KANK4: variants seen among roughly 807,000 people sequenced by gnomAD.
The protein encoded by KANK4 is KN motif and ankyrin repeat domain-containing protein 4.
KANK4 carries 50 observed loss-of-function variants against 80.8 expected under a neutral mutation model. The observed-to-expected ratio is 0.62, with a 90% confidence interval of 0.49 to 0.78. The LOEUF (loss-of-function observed/expected upper bound fraction) is 0.78, where lower values mean the gene tolerates loss of function less well. Ranked by LOEUF, KANK4 falls within the 30% of genes least tolerant of loss-of-function variation. The pLI is 0.00. For missense variants in KANK4, 1,196 were observed against 1,240.1 expected (o/e 0.96, Z 0.53); for synonymous variants, 465 against 506.9 (o/e 0.92, Z 1.11).
chr1:62,279,063 T>C (rs1672388074), intron 2 of KANK4, among the ~76,000 whole-genome samples: 1 of 152,160 alleles, frequency 6.6e-6, no homozygotes, highest in African/African-American at 2.4e-5. Context: ...AATACAATCA[T>C]AGCATAAAAT....
chr1:62,302,020 G>A (rs1456261041), intron 1 of KANK4, among the ~76,000 whole-genome samples: 1 of 152,060 alleles, frequency 6.6e-6, no homozygotes, highest in Non-Finnish European at 1.5e-5. Context: ...CCAGGATGGG[G>A]TACAGCTCAG....
intron 9 of KANK4, among the ~76,000 whole-genome samples, chr1:62,239,329 T>C (rs1296959790): frequency 6.6e-6 from 1 of 152,214 alleles, no homozygotes; most frequent in Non-Finnish European, 1.5e-5. Flanking sequence ...TACATAGCCA[T>C]TATAATGCAT....
At chr1:62,318,897 T>C (rs1015988983) in intron 1 of KANK4, among the ~76,000 whole-genome samples, 4 of 152,138 alleles carry the variant, frequency 2.6e-5, no homozygotes. Context: ...GACCCCAGGC[T>C]GGGAGGCGGG....
At chr1:62,286,079 AT>A (rs11348495) in intron 1 of KANK4, among the ~76,000 whole-genome samples, 11,864 of 152,250 alleles carry the variant, frequency 0.078, 1,259 homozygotes, top group African/African-American at 0.24. Flanking sequence ...ACACAATCTC[AT>A]TAACTCCATT....
chr1:62,247,463 A>G lies in KANK4; in HGVS notation c.2883+9T>C. 1 of 1,613,466 alleles carries G rather than the reference A, an allele frequency of 6.2e-7. No homozygotes were observed. Among genetic ancestry groups the G allele is most frequent in the Non-Finnish European group, 8.5e-7 (1 of 1,179,818 alleles). ...CAACAGCTACTTGTTAATTGCCTGT[A>G]AGTCTCACCTTGTCAGTCAGGCTGC... On this transcript the variant is annotated intron_variant, in intron 9 of 9. Transcript: ENST00000371153.
intron 7 of KANK4, among the ~76,000 whole-genome samples, chr1:62,256,255 T>C (rs1038490288): frequency 5.3e-5 from 8 of 152,210 alleles, no homozygotes; most frequent in African/African-American, 1.9e-4. Flanking sequence ...AATGATATTC[T>C]CATAAGGTTT....
rs754607678 is a variant in KANK4 at position 62,287,668 on chromosome 1, CAG to C, written c.-70-6036_-70-6035del. 5.9e-5 allele frequency among the ~76,000 whole-genome samples: 9 copies of C among 152,276 alleles called. No homozygotes were observed. The East Asian group carries it at 1.7e-3, about 29-fold the overall frequency. ...TGGTTTCTCTTGGGTCATCCAAGAG[CAG>C]AGTGTCCTGGGGTAAAGTTCTCTGT... On this transcript the variant is annotated intron_variant, in intron 1 of 9. Transcript: ENST00000371153.
intron 3 of KANK4, 37 bp downstream of exon 3, chr1:62,273,167 G>T: frequency 7.4e-7 from 1 of 1,354,522 alleles, no homozygotes; most frequent in Non-Finnish European, 9.9e-7. Flanking sequence ...AGGAGAAATG[G>T]CTCCCTGTCT....
chr1:62,263,039 T>C, intron 7 of KANK4, 53 bp downstream of exon 7: 1 of 1,366,842 alleles, frequency 7.3e-7, no homozygotes, highest in Non-Finnish European at 1.0e-6. Flanking sequence ...TTTTAAAAAT[T>C]GCCCTGCTCT....
chr1:62,255,760 C>T (rs1570975135), intron 7 of KANK4, among the ~76,000 whole-genome samples: 2 of 152,194 alleles, frequency 1.3e-5, no homozygotes, highest in Admixed American at 1.3e-4. Context: ...GTGATCCTCC[C>T]ACCTCAGCCT....
Position 62,237,576 on chromosome 1 carries a change from T to C in KANK4, c.*701A>G, listed in dbSNP as rs889141099. On this transcript the variant is annotated 3_prime_UTR_variant, in exon 10 of 10. Transcript: ENST00000371153. Reference sequence around the variant, plus strand: ...AGCAACTTACTAGATAATAAATTTCTTAATTAATTCCAATTTCCCTGGAGC... The same window carrying C: ...AGCAACTTACTAGATAATAAATTTCCTAATTAATTCCAATTTCCCTGGAGC... 3 of 152,318 alleles carry C rather than the reference T, an allele frequency of 2.0e-5. No individual in the cohort carries two copies. The highest frequency in any genetic ancestry group is 7.2e-5 in the African/African-American group (3 of 41,572). 9.4% of individuals were successfully genotyped at this position (152,318 alleles called of 1,614,324 possible). A position where few individuals can be genotyped will look rare whatever the true frequency, so the allele number is the denominator to read the frequency against.
chr1:62,311,032 A>G (rs1644493472), intron 1 of KANK4, among the ~76,000 whole-genome samples: 1 of 151,806 alleles, frequency 6.6e-6, no homozygotes, highest in Non-Finnish European at 1.5e-5. Context: ...TAAGGGTGGG[A>G]GGGGAAGGAA....
At chr1:62,268,623 A>C (rs1570994146) in intron 4 of KANK4, 118 bp from the exon 5 acceptor site, 3 of 757,486 alleles carry the variant, frequency 4.0e-6, no homozygotes, top group South Asian at 3.2e-5. Flanking sequence ...CTCCTCCCCC[A>C]CTCTCTACAC....
chr1:62,250,765 A>G (rs1184827556), intron 8 of KANK4, among the ~76,000 whole-genome samples: 1 of 152,218 alleles, frequency 6.6e-6, no homozygotes. Context: ...CATTAGCTGT[A>G]TTGAGTCTTA....
intron 1 of KANK4, among the ~76,000 whole-genome samples, chr1:62,284,806 T>G (rs147400801): frequency 6.6e-6 from 1 of 152,318 alleles, no homozygotes; most frequent in African/African-American, 2.4e-5. Flanking sequence ...ATAGCTTGCT[T>G]TCTCTCTAGC....
rs774680120 is a variant in KANK4 at position 62,273,271 on chromosome 1, C to G, written c.1833G>C (p.Leu611=). The change falls in exon 3 of 10, where the codon CTG becomes CTC. Residue 611 remains leucine, a synonymous_variant. Coordinates refer to ENST00000371153, the MANE Select transcript of KANK4 (RefSeq NM_181712.5). ...SQLLSSLNLL[L]SAYSAQAHPP... is the part of the protein sequence containing the mutation. ...GGTGAGCCTGGGCCGAGTAGGCCGA[C>G]AGCAGCAGGTTGAGGGAGCTCAGCA... The G allele has an allele frequency of 6.4e-6, 10 of 1,563,958 alleles. No individual in the cohort carries two copies. The highest frequency in any genetic ancestry group is 8.7e-6 in the Non-Finnish European group (10 of 1,153,832).
rs771959045 is a variant in KANK4, at chr1:62,274,233, A to ATGGCAGAGGTGGCGGGCT, written c.853_870dup (p.Pro287_Pro292dup). The ATGGCAGAGGTGGCGGGCT allele has an allele frequency of 7.4e-6, 12 of 1,613,966 alleles. No homozygotes were observed. The highest frequency in any genetic ancestry group is 1.0e-5 in the Non-Finnish European group (12 of 1,179,998). ...AGGAGCTCATTCTCAGGGATGGGTG[A>ATGGCAGAGGTGGCGGGCT]TGGCAGAGGTGGCGGGCTTGGCGTA... On this transcript the variant is annotated inframe_insertion, in exon 3 of 10. Transcript: ENST00000371153.
rs1461827100 is a variant in KANK4 at position 62,281,077 on chromosome 1, A to G, written c.16+472T>C. Among the ~76,000 whole-genome samples, 5 of 152,196 alleles carry G rather than the reference A, an allele frequency of 3.3e-5. No individual in the cohort carries two copies. In the East Asian group the frequency reaches 7.7e-4, roughly 23 times the overall value. On this transcript the variant is annotated intron_variant, in intron 2 of 9. Coordinates refer to ENST00000371153, the MANE Select transcript of KANK4 (RefSeq NM_181712.5). The stretch of plus-strand genomic sequence containing the variant: ...CCAAGTCATTACTGATACCCCAGAT[A>G]TGTGAGTGTGGCCATTCTAAGCCAT...
chr1:62,303,915 C>G (rs1307946937), intron 1 of KANK4, among the ~76,000 whole-genome samples: 1 of 151,492 alleles, frequency 6.6e-6, no homozygotes, highest in East Asian at 1.9e-4. Context: ...ATTCTGTCAC[C>G]CAGGCTGAAG....
Sources: gnomAD v4.1 joint callset for allele counts (sites outside exome capture counted in the v4.1 genomes callset) on GRCh38, gnomAD v4.1.1 for gene constraint, MANE v1.5 for transcripts, NCBI Gene and HGNC (gene_info 2026-07-23, HGNC 2026-07-21) for gene names.